Variants in TAS2R1 observed in about 807,000 individuals in gnomAD.
TAS2R1 encodes taste receptor type 2 member 1.
For missense variants in TAS2R1, 370 were observed against 353.4 expected, an observed-to-expected ratio of 1.05 and a Z score of -0.38; for synonymous variants, 141 against 134.2, an observed-to-expected ratio of 1.05 and a Z score of -0.35.
At chr5:9,633,001 T>C (rs190053452), upstream of TAS2R1, among the ~76,000 whole-genome samples, 5 of 152,170 alleles carry the variant, frequency 3.3e-5, 1 homozygote, top group African/African-American at 1.2e-4. Flanking sequence ...TCACTGTCTA[T>C]GGCAGCTGTA....
chr5:9,880,372 T>C, the TAS2R1 span, among the ~76,000 whole-genome samples: 2 of 152,162 alleles, frequency 1.3e-5, no homozygotes, highest in African/African-American at 4.8e-5. Flanking sequence ...AATTTGTTCC[T>C]GAGGCTTCCT....
chr5:9,827,304 G>A, the TAS2R1 span, among the ~76,000 whole-genome samples: 13 of 152,182 alleles, frequency 8.5e-5, no homozygotes, highest in Middle Eastern at 3.4e-3. Flanking sequence ...ACACGACATC[G>A]CTGTACATCC....
the TAS2R1 span, among the ~76,000 whole-genome samples, chr5:9,900,660 G>A: frequency 6.8e-5 from 9 of 133,064 alleles, no homozygotes; most frequent in East Asian, 4.5e-4. Context: ...TGGCTCTGTC[G>A]CCCAGGCTGG....
At chr5:9,645,140 G>A (rs1228483568) in intron 2 of TAS2R1, among the ~76,000 whole-genome samples, 1 of 152,166 alleles carries the variant, frequency 6.6e-6, no homozygotes, top group Non-Finnish European at 1.5e-5. Context: ...TGGTGCCAGA[G>A]GCATTTGGGA....
At chr5:9,824,844 G>GAGAA in the TAS2R1 span, among the ~76,000 whole-genome samples, 1 of 132,708 alleles carries the variant, frequency 7.5e-6, no homozygotes, top group Non-Finnish European at 1.6e-5. Context: ...TGAAAACTCT[G>GAGAA]AAAAAAAAAA....
At chr5:9,762,448 T>C in the TAS2R1 span, among the ~76,000 whole-genome samples, 3 of 152,358 alleles carry the variant, frequency 2.0e-5, no homozygotes, top group East Asian at 5.8e-4. Context: ...CTTCACAGCA[T>C]TCCACACGAA....
chr5:9,719,259 GAGAA>G, the TAS2R1 span, among the ~76,000 whole-genome samples: 2 of 151,970 alleles, frequency 1.3e-5, no homozygotes, highest in East Asian at 1.9e-4. Flanking sequence ...TGTGTACACA[GAGAA>G]AGAGAGAGAG....
intron 1 of TAS2R1, among the ~76,000 whole-genome samples, chr5:9,708,033 T>C (rs914787550): frequency 5.9e-5 from 9 of 152,116 alleles, no homozygotes; most frequent in African/African-American, 1.9e-4. Flanking sequence ...CAGAAAGGAC[T>C]CAACTATGAA....
At chr5:9,719,839 A>G in the TAS2R1 span, among the ~76,000 whole-genome samples, 1 of 148,550 alleles carries the variant, frequency 6.7e-6, no homozygotes, top group Non-Finnish European at 1.5e-5. Context: ...AATGGCGTCA[A>G]CCTGGGAGGC....
the TAS2R1 span, among the ~76,000 whole-genome samples, chr5:9,900,131 T>C: frequency 1.3e-5 from 2 of 152,230 alleles, no homozygotes; most frequent in African/African-American, 2.4e-5. Context: ...GGTACAGATA[T>C]GTTCTCTCTC....
At chr5:9,663,741 G>C (rs1233079421) in intron 1 of TAS2R1, among the ~76,000 whole-genome samples, 7 of 152,164 alleles carry the variant, frequency 4.6e-5, no homozygotes, top group Admixed American at 1.3e-4. Context: ...ACTTTATTTG[G>C]ATAGAAAGTT....
chr5:9,771,629 A>T, the TAS2R1 span, among the ~76,000 whole-genome samples: 574 of 152,058 alleles, frequency 3.8e-3, 3 homozygotes, highest in African/African-American at 0.013. Flanking sequence ...CTGCAGTGAA[A>T]CCATCAGGTC....
the TAS2R1 span, among the ~76,000 whole-genome samples, chr5:9,853,380 C>T: frequency 1.1e-3 from 169 of 152,312 alleles, 2 homozygotes; most frequent in African/African-American, 3.8e-3. Flanking sequence ...CTTTTAATTA[C>T]ATGCCAATTA....
the TAS2R1 span, among the ~76,000 whole-genome samples, chr5:9,827,516 C>T: frequency 2.6e-5 from 4 of 152,048 alleles, no homozygotes; most frequent in East Asian, 7.7e-4. Context: ...AGGAGGAGTA[C>T]TTGAGTCCAG....
chr5:9,672,717 G>C (rs1360026097), intron 1 of TAS2R1, among the ~76,000 whole-genome samples: 1 of 152,184 alleles, frequency 6.6e-6, no homozygotes, highest in Non-Finnish European at 1.5e-5. Context: ...GTGAAAAGCA[G>C]TGTGGTGATT....
At chr5:9,696,112 T>A (rs987275855) in intron 1 of TAS2R1, among the ~76,000 whole-genome samples, 6 of 152,194 alleles carry the variant, frequency 3.9e-5, no homozygotes, top group Admixed American at 6.5e-5. Context: ...GTTTCTCCTA[T>A]GACCCGGTAG....
At chr5:9,723,804 T>C in the TAS2R1 span, among the ~76,000 whole-genome samples, 1 of 152,338 alleles carries the variant, frequency 6.6e-6, no homozygotes, top group East Asian at 1.9e-4. Flanking sequence ...GGCACAAGGC[T>C]CCCAGCTGCT....
intron 1 of TAS2R1, among the ~76,000 whole-genome samples, chr5:9,682,698 G>A (rs1193250254): frequency 6.6e-6 from 1 of 152,068 alleles, no homozygotes; most frequent in Non-Finnish European, 1.5e-5. Flanking sequence ...ATACTGAAAG[G>A]TGCTTGATTT....
At chr5:9,705,413 C>T (rs1241618563) in intron 1 of TAS2R1, among the ~76,000 whole-genome samples, 4 of 152,204 alleles carry the variant, frequency 2.6e-5, no homozygotes, top group Non-Finnish European at 5.9e-5. Flanking sequence ...AGTCACACTG[C>T]TTCAGATAAG....
Sources: allele counts gnomAD v4.1 joint callset (sites outside exome capture counted in the v4.1 genomes callset), GRCh38; gene constraint gnomAD v4.1.1; transcripts MANE v1.5; gene names NCBI Gene and HGNC (gene_info 2026-07-23, HGNC 2026-07-21).